Variants in CCDC126 observed in about 807,000 individuals in gnomAD.
CCDC126 encodes the protein coiled-coil domain-containing protein 126.
Under a neutral mutation model 11.7 loss-of-function variants are expected in CCDC126, and 5 were observed. That is an observed-to-expected ratio of 0.43 (90% CI 0.22 to 0.90). CCDC126 has a LOEUF of 0.90. CCDC126 is among the 40% of genes least tolerant of loss of function. CCDC126 has a pLI of 0.27. For synonymous variants in CCDC126, 60 were observed against 61.9 expected, an observed-to-expected ratio of 0.97 and a Z score of 0.14; for missense variants, 150 against 163.1, an observed-to-expected ratio of 0.92 and a Z score of 0.44.
chr7:23,599,119 A>G (rs901599270), intron 2 of CCDC126, among the ~76,000 whole-genome samples: 1 of 152,204 alleles, frequency 6.6e-6, no homozygotes, highest in Non-Finnish European at 1.5e-5. Context: ...AATCTCTACC[A>G]GCCAGTTATC....
At chr7:23,612,474 CAAAAAAAAAAAAAAAA>C (rs70954395) in intron 3 of CCDC126, among the ~76,000 whole-genome samples, 2 of 56,214 alleles carry the variant, frequency 3.6e-5, no homozygotes, top group South Asian at 1.1e-3. Context: ...GACTCCATCT[CAAAAAAAAAAAAAAAA>C]AAAAAAAAAA....
chr7:23,616,717 T>A (rs774700170), intron 3 of CCDC126, among the ~76,000 whole-genome samples: 17 of 152,342 alleles, frequency 1.1e-4, no homozygotes, highest in Non-Finnish European at 1.5e-4. Flanking sequence ...TCTTGTAAGG[T>A]CTGTGTCCCA....
intron 2 of CCDC126, among the ~76,000 whole-genome samples, chr7:23,599,707 A>G (rs780134392): frequency 1.3e-5 from 2 of 151,008 alleles, no homozygotes; most frequent in Non-Finnish European, 3.0e-5. Context: ...TGATCTGCCT[A>G]TGTCAGCTTC....
At chr7:23,605,887 A>G (rs1006132968) in intron 2 of CCDC126, among the ~76,000 whole-genome samples, 1 of 152,136 alleles carries the variant, frequency 6.6e-6, no homozygotes, top group East Asian at 1.9e-4. Context: ...AGGAAATGCC[A>G]TACTGTCTTC....
At chr7:23,618,695 C>T (rs1782837547) in intron 3 of CCDC126, among the ~76,000 whole-genome samples, 1 of 151,696 alleles carries the variant, frequency 6.6e-6, no homozygotes, top group African/African-American at 2.4e-5. Flanking sequence ...GGACTACAGG[C>T]ATGCACCACC....
intron 3 of CCDC126, among the ~76,000 whole-genome samples, chr7:23,636,769 T>TGGGG (rs768299331): frequency 9.6e-6 from 1 of 104,422 alleles, no homozygotes; most frequent in South Asian, 3.4e-4. Context: ...GGGAGGGAGG[T>TGGGG]GGGGGGGGGG....
At chr7:23,631,946 T>G (rs1304060419) in intron 3 of CCDC126, among the ~76,000 whole-genome samples, 1 of 152,122 alleles carries the variant, frequency 6.6e-6, no homozygotes, top group Non-Finnish European at 1.5e-5. Flanking sequence ...TTTATAAAGC[T>G]AGTTTTATCC....
chr7:23,625,879 G>A (rs1224690011), intron 3 of CCDC126, among the ~76,000 whole-genome samples: 2 of 151,394 alleles, frequency 1.3e-5, no homozygotes, highest in Admixed American at 1.3e-4. Flanking sequence ...GGATGGTCTC[G>A]ATCTCCTGAC....
Position 23,602,954 on chromosome 7 carries a change from G to T in CCDC126, c.-146+4903G>T, listed in dbSNP as rs146997394. 2.9e-3 allele frequency among the ~76,000 whole-genome samples: 435 copies of T among 152,270 alleles called. 3 individuals carry two copies. The highest frequency in any genetic ancestry group is 8.5e-3 in the African/African-American group (354 of 41,544). On this transcript the variant is annotated intron_variant, in intron 2 of 3. Coordinates refer to ENST00000307471, the MANE Select transcript of CCDC126 (RefSeq NM_138771.4). Reference sequence around the variant, plus strand: ...ATCTATGGTTCCTGGCACATGGTAGGTACTTTGCTATTGTGAATGAATTAG... The same window carrying T: ...ATCTATGGTTCCTGGCACATGGTAGTTACTTTGCTATTGTGAATGAATTAG...
At chr7:23,642,795 G>T in intron 3 of CCDC126, 136 bp from the exon 4 acceptor site, 5 of 622,822 alleles carry the variant, frequency 8.0e-6, no homozygotes, top group African/African-American at 1.9e-5. Context: ...TTTCCTATTT[G>T]TAGTATGAGT....
chr7:23,601,504 G>A (rs1183392963), intron 2 of CCDC126, among the ~76,000 whole-genome samples: 2 of 152,202 alleles, frequency 1.3e-5, no homozygotes, highest in Non-Finnish European at 2.9e-5. Context: ...TTTATCTTGT[G>A]TTTTGAAAAT....
At chr7:23,615,361 G>C (rs544426343) in intron 3 of CCDC126, among the ~76,000 whole-genome samples, 14 of 152,306 alleles carry the variant, frequency 9.2e-5, no homozygotes, top group Admixed American at 2.6e-4. Flanking sequence ...TCTGGATTAG[G>C]CTTTGGCTTA....
Position 23,598,790 on chromosome 7 carries a change from G to T in CCDC126, c.-146+739G>T, listed in dbSNP as rs780081301. Among the ~76,000 whole-genome samples, 5 of 152,364 alleles carry T rather than the reference G, an allele frequency of 3.3e-5. No homozygotes were observed. The East Asian group carries it at 9.6e-4, about 29-fold the overall frequency. On this transcript the variant is annotated intron_variant, in intron 2 of 3. Coordinates refer to ENST00000307471, the MANE Select transcript of CCDC126 (RefSeq NM_138771.4). Reference sequence around the variant, plus strand: ...TATTTAGTGCAGTGTAGGACAGAGAGTAATGGCTACGGAAATAGGAGTCCT... The same window carrying T: ...TATTTAGTGCAGTGTAGGACAGAGATTAATGGCTACGGAAATAGGAGTCCT...
Position 23,641,438 on chromosome 7 carries a change from C to T in CCDC126, c.239-1493C>T, listed in dbSNP as rs370644228. The stretch of plus-strand genomic sequence containing the variant: ...CAAATTTATGGTTTGCAAATGTTTT[C>T]TCCCATTCTATAGGTTGTCTTTTCA... On this transcript the variant is annotated intron_variant, in intron 3 of 3. Coordinates refer to ENST00000307471, the MANE Select transcript of CCDC126 (RefSeq NM_138771.4). Among the ~76,000 whole-genome samples the T allele has an allele frequency of 3.0e-3, 462 of 152,284 alleles. 2 individuals are homozygous for T. Among genetic ancestry groups the T allele is most frequent in the South Asian group, 0.015 (74 of 4,826 alleles).
chr7:23,600,323 C>A (rs1268218065), intron 2 of CCDC126, among the ~76,000 whole-genome samples: 1 of 149,824 alleles, frequency 6.7e-6, no homozygotes, highest in African/African-American at 2.5e-5. Context: ...CAAGGCAGTG[C>A]ATTTTAAATC....
chr7:23,606,309 T>C lies in CCDC126; in HGVS notation c.-145-4862T>C, dbSNP rs113844546. The stretch of plus-strand genomic sequence containing the variant: ...TCCTGACCTCGTGATCTGCCTGCCT[T>C]GGCCTCCCAAAGTGCTGGGATTACA... On this transcript the variant is annotated intron_variant, in intron 2 of 3. Transcript: ENST00000307471. Among the ~76,000 whole-genome samples, 49 of 152,204 alleles carry C rather than the reference T, an allele frequency of 3.2e-4. 2 individuals carry two copies. The East Asian group carries it at 3.9e-3, about 12-fold the overall frequency.
chr7:23,642,179 T>A (rs1783372149), intron 3 of CCDC126, among the ~76,000 whole-genome samples: 1 of 151,948 alleles, frequency 6.6e-6, no homozygotes, highest in Non-Finnish European at 1.5e-5. Context: ...GCCCGGCTAA[T>A]TTTTTTATAT....
At chr7:23,639,594 T>C (rs1168811182) in intron 3 of CCDC126, among the ~76,000 whole-genome samples, 2 of 152,244 alleles carry the variant, frequency 1.3e-5, no homozygotes, top group Non-Finnish European at 2.9e-5. Flanking sequence ...TGGGTACTTC[T>C]TGCTGAAAGA....
At chr7:23,642,807 C>A (rs903372979) in intron 3 of CCDC126, 124 bp from the exon 4 acceptor site, 1 of 705,834 alleles carries the variant, frequency 1.4e-6, no homozygotes. Context: ...AGTATGAGTG[C>A]ATTCTCTCTA....
Sources: allele counts gnomAD v4.1 joint callset (sites outside exome capture counted in the v4.1 genomes callset), GRCh38; gene constraint gnomAD v4.1.1; transcripts MANE v1.5; gene names NCBI Gene and HGNC (gene_info 2026-07-23, HGNC 2026-07-21).